ABCA5: variants seen among roughly 807,000 people sequenced by gnomAD.
ABCA5 encodes the protein cholesterol transporter ABCA5.
ABCA5 carries 163 observed loss-of-function variants against 206.0 expected under a neutral mutation model. The ratio of observed to expected loss-of-function variants is 0.79; its 90% CI spans 0.70 to 0.90. The LOEUF (loss-of-function observed/expected upper bound fraction) is 0.90, where lower values mean the gene tolerates loss of function less well. ABCA5 is among the 40% of genes least tolerant of loss of function. The pLI, the probability that ABCA5 is intolerant of heterozygous loss-of-function variation, is 0.00. For missense variants in ABCA5, 1,859 were observed against 1,912.9 expected, an observed-to-expected ratio of 0.97 and a Z score of 0.53; for synonymous variants, 609 against 613.8, an observed-to-expected ratio of 0.99 and a Z score of 0.11.
intron 17 of ABCA5, among the ~76,000 whole-genome samples, chr17:69,284,458 T>G (rs2075429550): frequency 6.6e-6 from 1 of 152,018 alleles, no homozygotes; most frequent in Non-Finnish European, 1.5e-5. Context: ...CTAACAAAAA[T>G]TTTACAGTAT....
At chr17:69,264,066 T>A (rs968503258) in intron 24 of ABCA5, among the ~76,000 whole-genome samples, 1 of 152,184 alleles carries the variant, frequency 6.6e-6, no homozygotes, top group Non-Finnish European at 1.5e-5. Context: ...CTTTTTAAAA[T>A]TCTGTGATGA....
chr17:69,254,468 G>A lies in ABCA5; in HGVS notation c.4091C>T (p.Ser1364Leu), dbSNP rs772370812. ...SGQVFLGDYS[S>L]ETSEDDDSLK... is the part of the protein sequence containing the mutation. ...TGAATCATCATCTTCACTTGTCTCTGAAGAATAATCTCCTAAAAATACCTA... is the reference window on the plus strand; with the variant it reads ...TGAATCATCATCTTCACTTGTCTCTAAAGAATAATCTCCTAAAAATACCTA... The change falls in exon 32 of 39, where the codon TCA (serine) becomes TTA (leucine). Residue 1364 changes from serine to leucine, a missense_variant. By Grantham distance (145) the Ser-to-Leu change is moderately radical. Transcript: ENST00000392676. The A allele has an allele frequency of 6.2e-7, 1 of 1,611,060 alleles. No homozygotes were observed. The highest frequency in any genetic ancestry group is 2.2e-5 in the East Asian group (1 of 44,732).
rs565541125 is a variant in ABCA5, at chr17:69,298,914, T to C, written c.1268-1555A>G. Among the ~76,000 whole-genome samples the C allele has an allele frequency of 2.0e-5, 3 of 152,226 alleles. No individual in the cohort carries two copies. In the South Asian group the frequency reaches 6.2e-4, roughly 32 times the overall value. On this transcript the variant is annotated intron_variant, in intron 9 of 38. Transcript: ENST00000392676. Reference sequence around the variant, plus strand: ...ACAGAGTGGGAGAAGGTCTTCACTATATATATATGTTGACAAAGGACTAAC... The same window carrying C: ...ACAGAGTGGGAGAAGGTCTTCACTACATATATATGTTGACAAAGGACTAAC...
At chr17:69,263,177 A>G (rs1169166348) in intron 24 of ABCA5, among the ~76,000 whole-genome samples, 1 of 151,976 alleles carries the variant, frequency 6.6e-6, no homozygotes, top group Non-Finnish European at 1.5e-5. Flanking sequence ...CCCATTCTGT[A>G]TGTTATCCAT....
In ABCA5 at chr17:69,259,690, TA is replaced by T; in HGVS notation, c.3731+15del. On this transcript the variant is annotated intron_variant, in intron 28 of 38. Coordinates refer to ENST00000392676, the MANE Select transcript of ABCA5 (RefSeq NM_172232.4). ...ATATACTAAAAACATTTAAAATTTT[TA>T]AAAAATCAACTGACCTGAAAAAGGG... 1 of 1,537,532 alleles carries T rather than the reference TA, an allele frequency of 6.5e-7. No homozygotes were observed. The highest frequency in any genetic ancestry group is 8.9e-7 in the Non-Finnish European group (1 of 1,117,844).
At chr17:69,317,399 CAA>C (rs1168274624) in intron 1 of ABCA5, among the ~76,000 whole-genome samples, 7,126 of 74,322 alleles carry the variant, frequency 0.096, 92 homozygotes, top group Admixed American at 0.16. Flanking sequence ...GACTCTGTCT[CAA>C]AAAAAAAAAA....
intron 10 of ABCA5, among the ~76,000 whole-genome samples, chr17:69,295,438 G>A (rs1434020815): frequency 6.6e-6 from 1 of 152,150 alleles, no homozygotes; most frequent in Non-Finnish European, 1.5e-5. Context: ...GCAATTTACT[G>A]GAGAGATGAA....
intron 20 of ABCA5, among the ~76,000 whole-genome samples, chr17:69,273,478 C>G (rs1294180824): frequency 6.7e-5 from 1 of 14,908 alleles, no homozygotes; most frequent in Non-Finnish European, 2.6e-4. Flanking sequence ...TATTTTGAGG[C>G]AGAGTCTCCC....
intron 36 of ABCA5, 126 bp downstream of exon 36, chr17:69,250,346 C>A: frequency 1.4e-6 from 1 of 697,478 alleles, no homozygotes. Flanking sequence ...TATATATTCA[C>A]ACACAGAGAT....
At chr17:69,304,508 A>C (rs509830) in intron 7 of ABCA5, 161 bp downstream of exon 7, 1 of 576,126 alleles carries the variant, frequency 1.7e-6, no homozygotes, top group African/African-American at 1.9e-5. Flanking sequence ...AAAATACAGG[A>C]ATACAGTGAT....
At chr17:69,264,238 T>A (rs1205599929) in intron 24 of ABCA5, among the ~76,000 whole-genome samples, 1 of 152,172 alleles carries the variant, frequency 6.6e-6, no homozygotes, top group African/African-American at 2.4e-5. Flanking sequence ...TAGTTCTCCC[T>A]GTAGAGATCT....
chr17:69,250,795 T>C (rs1007046979), intron 35 of ABCA5, 174 bp from the exon 36 acceptor site: 5 of 385,064 alleles, frequency 1.3e-5, no homozygotes, highest in African/African-American at 8.5e-5. Context: ...CCTAATCTTA[T>C]CATCTTATAT....
At chr17:69,307,020 G>A (rs2075725148) in intron 5 of ABCA5, 66 bp from the exon 6 acceptor site, 3 of 1,166,752 alleles carry the variant, frequency 2.6e-6, no homozygotes, top group Non-Finnish European at 2.3e-6. Context: ...AGTAAAACGG[G>A]ACAGCTATAT....
chr17:69,264,698 T>C, intron 24 of ABCA5, 37 bp downstream of exon 24: 2 of 1,340,734 alleles, frequency 1.5e-6, no homozygotes, highest in Admixed American at 2.8e-5. Context: ...TAACATTCTA[T>C]CTATAAATAG....
chr17:69,325,201 TG>T (rs1471307567), intron 1 of ABCA5, among the ~76,000 whole-genome samples: 2 of 149,724 alleles, frequency 1.3e-5, no homozygotes, highest in African/African-American at 4.9e-5. Flanking sequence ...CCCAGCTACT[TG>T]GGAGGCTGAG....
rs774380524 is a variant in ABCA5 at position 69,301,231 on chromosome 17, C to A, written c.1175G>T (p.Gly392Val). 16 of 1,600,842 alleles carry A rather than the reference C, an allele frequency of 1.0e-5. No individual in the cohort carries two copies. Among genetic ancestry groups the A allele is most frequent in the Non-Finnish European group, 1.4e-5 (16 of 1,176,722 alleles). ...EGASFSNLTA[G>V]PYPLIITIIM... ...AATTGTAATAATTAGAGGATATGGG[C>A]CTGCAGTCAAATTTGAAAATGAAGC... The change falls in exon 9 of 39, where the codon GGC (glycine) becomes GTC (valine). Residue 392 changes from glycine to valine, a missense_variant. Gly to Val is a moderately radical substitution (Grantham distance 109, BLOSUM62 -3). Transcript: ENST00000392676.
In ABCA5 at chr17:69,308,372, T is replaced by TG. The variant is rs747799392; in HGVS notation, c.470-5dup. 7.5e-6 allele frequency: 12 copies of TG among 1,604,488 alleles called. No homozygotes were observed. Among genetic ancestry groups the TG allele is most frequent in the South Asian group, 3.3e-5 (3 of 90,614 alleles). On this transcript the variant is annotated splice_polypyrimidine_tract_variant and splice_region_variant and intron_variant, in intron 4 of 38. Coordinates refer to ENST00000392676, the MANE Select transcript of ABCA5 (RefSeq NM_172232.4). ...TCACATGATTTTGAACAGCCAGCTA[T>TG]GGGGGGAAGAATATGAGATCTAAGA...
chr17:69,263,032 C>G (rs1322949554), intron 24 of ABCA5, among the ~76,000 whole-genome samples: 1 of 152,102 alleles, frequency 6.6e-6, no homozygotes, highest in Non-Finnish European at 1.5e-5. Context: ...ATTTGCATGT[C>G]TTCTTTTGAG....
chr17:69,293,269 T>A (rs1322384076), intron 11 of ABCA5, among the ~76,000 whole-genome samples: 4 of 152,072 alleles, frequency 2.6e-5, no homozygotes, highest in Non-Finnish European at 5.9e-5. Context: ...GTCTAGTAAG[T>A]CCCAAAAATC....
Sources: gnomAD v4.1 joint callset for allele counts (sites outside exome capture counted in the v4.1 genomes callset) on GRCh38, gnomAD v4.1.1 for gene constraint, MANE v1.5 for transcripts, NCBI Gene and HGNC (gene_info 2026-07-23, HGNC 2026-07-21) for gene names.